Variants in NEK6 observed in about 807,000 individuals in gnomAD.
NEK6 encodes NIMA related kinase 6, also known as serine/threonine-protein kinase Nek6.
Under a neutral mutation model 43.5 loss-of-function variants are expected in NEK6, and 27 were observed. The observed-to-expected ratio is 0.62, with a 90% confidence interval of 0.46 to 0.86. The LOEUF (loss-of-function observed/expected upper bound fraction) is 0.86, where lower values mean the gene tolerates loss of function less well. Ranked by LOEUF, NEK6 falls within the 40% of genes least tolerant of loss-of-function variation. The pLI, the probability that NEK6 is intolerant of heterozygous loss-of-function variation, is 0.00. For missense variants in NEK6, 318 were observed against 414.4 expected (o/e 0.77, Z 2.02); for synonymous variants, 167 against 164.1 (o/e 1.02, Z -0.14).
intron 7 of NEK6, among the ~76,000 whole-genome samples, chr9:124,332,103 G>T (rs1164625226): frequency 1.3e-5 from 2 of 152,222 alleles, no homozygotes; most frequent in Non-Finnish European, 2.9e-5. Flanking sequence ...GGAGAGGGAA[G>T]GGCCTTAAGG....
chr9:124,270,284 A>G (rs1340932571), intron 1 of NEK6, among the ~76,000 whole-genome samples: 1 of 152,172 alleles, frequency 6.6e-6, no homozygotes, highest in Non-Finnish European at 1.5e-5. Flanking sequence ...GGCCAACCCT[A>G]GAAGTTCACC....
intron 1 of NEK6, among the ~76,000 whole-genome samples, chr9:124,263,753 A>T (rs1235261194): frequency 6.6e-6 from 1 of 152,172 alleles, no homozygotes; most frequent in Non-Finnish European, 1.5e-5. Flanking sequence ...ATGGCTCCCA[A>T]AACGGAAGGG....
chr9:124,318,549 G>C (rs1833925022), intron 4 of NEK6, among the ~76,000 whole-genome samples: 1 of 152,068 alleles, frequency 6.6e-6, no homozygotes, highest in African/African-American at 2.4e-5. Flanking sequence ...TTGTGGTTTT[G>C]ATTTACATTT....
intron 1 of NEK6, chr9:124,293,144 C>A: frequency 1.7e-6 from 2 of 1,181,272 alleles, no homozygotes; most frequent in Non-Finnish European, 2.2e-6. Context: ...TCACCTCAGG[C>A]AAATGATTAA....
chr9:124,349,056 G>A (rs1464977862), intron 9 of NEK6, among the ~76,000 whole-genome samples: 2 of 152,224 alleles, frequency 1.3e-5, no homozygotes, highest in African/African-American at 4.8e-5. Flanking sequence ...TGGGTGCTGC[G>A]CTTGTGTCCA....
At chr9:124,290,509 G>A (rs1331345998) in intron 1 of NEK6, among the ~76,000 whole-genome samples, 1 of 152,276 alleles carries the variant, frequency 6.6e-6, no homozygotes, top group Non-Finnish European at 1.5e-5. Context: ...CTCAGCTGCT[G>A]TATGCCTGTG....
At chr9:124,334,030 G>T (rs555325246) in intron 7 of NEK6, among the ~76,000 whole-genome samples, 11 of 152,204 alleles carry the variant, frequency 7.2e-5, no homozygotes, top group Admixed American at 7.2e-4. Context: ...ACCCGCCTTG[G>T]CCTCCCAAAG....
chr9:124,288,793 G>A (rs932234666), intron 1 of NEK6, among the ~76,000 whole-genome samples: 1 of 152,016 alleles, frequency 6.6e-6, no homozygotes, highest in Non-Finnish European at 1.5e-5. Context: ...AGGCAGCACC[G>A]AATTTGTACT....
intron 4 of NEK6, among the ~76,000 whole-genome samples, chr9:124,315,968 G>A (rs1024321685): frequency 1.3e-5 from 2 of 152,322 alleles, no homozygotes; most frequent in South Asian, 2.1e-4. Flanking sequence ...CATGTCTGAC[G>A]AGCTCAGGGC....
chr9:124,293,016 G>C (rs756481665), intron 1 of NEK6: 10 of 1,548,702 alleles, frequency 6.5e-6, no homozygotes, highest in Non-Finnish European at 8.7e-6. Context: ...GCCTCGAGGT[G>C]AGAGCAAGAT....
At chr9:124,348,350 T>C (rs1008265497) in intron 9 of NEK6, among the ~76,000 whole-genome samples, 10 of 152,286 alleles carry the variant, frequency 6.6e-5, no homozygotes, top group Admixed American at 6.5e-4. Context: ...ACAGCTCCCA[T>C]GGGTCTGGCA....
intron 1 of NEK6, among the ~76,000 whole-genome samples, chr9:124,271,303 C>T (rs1478385935): frequency 1.3e-5 from 2 of 152,240 alleles, no homozygotes. Flanking sequence ...ACGCCAAACA[C>T]GTGGTGCCCC....
At chr9:124,288,764 G>C (rs1015414421) in intron 1 of NEK6, among the ~76,000 whole-genome samples, 3 of 152,170 alleles carry the variant, frequency 2.0e-5, no homozygotes, top group Admixed American at 2.0e-4. Flanking sequence ...GACTGGCCCA[G>C]GCTCACATGG....
intron 1 of NEK6, among the ~76,000 whole-genome samples, chr9:124,273,907 C>T (rs753197790): frequency 3.2e-4 from 49 of 152,218 alleles, no homozygotes; most frequent in Non-Finnish European, 6.0e-4. Flanking sequence ...AAGGCCCCAA[C>T]GGAGGGTGAA....
At chr9:124,307,854 C>T (rs370718764) in intron 2 of NEK6, among the ~76,000 whole-genome samples, 10 of 152,162 alleles carry the variant, frequency 6.6e-5, no homozygotes, top group Non-Finnish European at 1.0e-4. Context: ...CCAAGGTTAC[C>T]GCCAGCCGCC....
chr9:124,287,189 G>T (rs965350694), intron 1 of NEK6, among the ~76,000 whole-genome samples: 1 of 152,172 alleles, frequency 6.6e-6, no homozygotes, highest in African/African-American at 2.4e-5. Context: ...GGGCCAGGAG[G>T]TCATGGAGAC....
chr9:124,285,697 A>G (rs17313621), intron 1 of NEK6, among the ~76,000 whole-genome samples: 19,766 of 152,130 alleles, frequency 0.13, 1,464 homozygotes, highest in Non-Finnish European at 0.17. Context: ...TAGGACAGAA[A>G]GGACACGAGA....
At chr9:124,325,209 T>G (rs899584300) in intron 5 of NEK6, among the ~76,000 whole-genome samples, 7 of 151,774 alleles carry the variant, frequency 4.6e-5, no homozygotes, top group Non-Finnish European at 8.8e-5. Flanking sequence ...GACTTGGGCT[T>G]TCTAGGTGGG....
chr9:124,349,630 C>T lies in NEK6; in HGVS notation c.832-1207C>T, dbSNP rs562484854. Among the ~76,000 whole-genome samples the T allele has an allele frequency of 1.2e-3, 176 of 152,344 alleles. 4 individuals carry two copies. The highest frequency in any genetic ancestry group is 3.2e-3 in the African/African-American group (132 of 41,574). ...TTATTTTTCTCTTGAATTCTGAAAA[C>T]TTCAAACATGCACTTATTGACAACT... On this transcript the variant is annotated intron_variant, in intron 9 of 9. Transcript: ENST00000320246.
Sources: allele counts gnomAD v4.1 joint callset (sites outside exome capture counted in the v4.1 genomes callset), GRCh38; gene constraint gnomAD v4.1.1; transcripts MANE v1.5; gene names NCBI Gene and HGNC (gene_info 2026-07-23, HGNC 2026-07-21).